Variants in NXPE4 observed in about 807,000 individuals in gnomAD.
NXPE4 encodes the protein NXPE family member 4.
A neutral mutation model predicts 33.3 loss-of-function variants in NXPE4; 42 were observed. The observed-to-expected ratio is 1.26, with a 90% confidence interval of 0.98 to 1.63. The LOEUF (loss-of-function observed/expected upper bound fraction) is 1.63. NXPE4 is among the 40% of genes most tolerant of loss of function. NXPE4 has a pLI of 0.00. For missense variants in NXPE4, 709 were observed against 647.6 expected (o/e 1.09, Z -1.03); for synonymous variants, 253 against 234.9 (o/e 1.08, Z -0.71).
chr11:114,675,022 C>T, the NXPE4 span, among the ~76,000 whole-genome samples: 1 of 150,684 alleles, frequency 6.6e-6, no homozygotes, highest in African/African-American at 2.5e-5. Flanking sequence ...ACATGTAATC[C>T]ATCATATTAA....
In NXPE4 at chr11:114,570,839, C is replaced by T; in HGVS notation, c.*99G>A. 1.3e-6 allele frequency: 1 copy of T among 756,546 alleles called. No homozygotes were observed. The highest frequency in any genetic ancestry group is 2.1e-6 in the Non-Finnish European group (1 of 471,322). 46.9% of individuals were successfully genotyped at this position (756,546 alleles called of 1,614,324 possible). ...CCATAATGTAGATTCTCTGCTCTTG[C>T]TAGTTGGGAATTCAGAGCCAAACAC... On this transcript the variant is annotated 3_prime_UTR_variant, in exon 6 of 6. Transcript: ENST00000375478.
At chr11:114,598,278 G>A (rs1421339095), upstream of NXPE4, among the ~76,000 whole-genome samples, 1 of 152,146 alleles carries the variant, frequency 6.6e-6, no homozygotes, top group East Asian at 1.9e-4. Context: ...GGGCAGCTCT[G>A]CCCCTGTGGC....
the NXPE4 span, among the ~76,000 whole-genome samples, chr11:114,652,873 G>C: frequency 6.6e-6 from 1 of 152,190 alleles, no homozygotes; most frequent in Non-Finnish European, 1.5e-5. Context: ...GGTACTGCAA[G>C]CCCAGTGGTG....
chr11:114,600,342 C>A (rs1054989336), upstream of NXPE4, among the ~76,000 whole-genome samples: 2 of 152,038 alleles, frequency 1.3e-5, no homozygotes, highest in Non-Finnish European at 2.9e-5. Flanking sequence ...TAAAAGTCTT[C>A]TCAAATTGAA....
the NXPE4 span, among the ~76,000 whole-genome samples, chr11:114,633,950 T>G: frequency 6.6e-6 from 1 of 152,056 alleles, no homozygotes; most frequent in East Asian, 1.9e-4. Flanking sequence ...TATAGCAGCA[T>G]GATTTATAGC....
the NXPE4 span, among the ~76,000 whole-genome samples, chr11:114,605,335 A>G: frequency 6.6e-6 from 1 of 151,232 alleles, no homozygotes; most frequent in African/African-American, 2.4e-5. Context: ...GATAATAAGT[A>G]TTGCCTCGTG....
chr11:114,627,535 G>T, the NXPE4 span, among the ~76,000 whole-genome samples: 22 of 150,748 alleles, frequency 1.5e-4, no homozygotes, highest in African/African-American at 5.1e-4. Context: ...AACATGGAAA[G>T]GAACAACCGG....
chr11:114,618,625 A>C, the NXPE4 span, among the ~76,000 whole-genome samples: 1 of 149,214 alleles, frequency 6.7e-6, no homozygotes, highest in Non-Finnish European at 1.5e-5. Context: ...TTGCCTTGTG[A>C]GTAACCACTG....
chr11:114,651,915 T>C, the NXPE4 span, among the ~76,000 whole-genome samples: 1 of 152,002 alleles, frequency 6.6e-6, no homozygotes, highest in African/African-American at 2.4e-5. Flanking sequence ...ACAGAAACCA[T>C]AAACAAAACA....
chr11:114,583,631 C>T, intron 2 of NXPE4: 1 of 591,414 alleles, frequency 1.7e-6, no homozygotes, highest in South Asian at 1.4e-5. Flanking sequence ...ACTTAATGAG[C>T]AGCAGATGGA....
the NXPE4 span, among the ~76,000 whole-genome samples, chr11:114,642,923 C>T: frequency 9.2e-5 from 14 of 152,198 alleles, no homozygotes; most frequent in South Asian, 8.3e-4. Context: ...TCTCCAGCAT[C>T]GGATGTTTCC....
At chr11:114,602,471 A>T in the NXPE4 span, among the ~76,000 whole-genome samples, 1 of 135,946 alleles carries the variant, frequency 7.4e-6, no homozygotes, top group African/African-American at 2.6e-5. Flanking sequence ...TATATAAATT[A>T]TAGATTATAT....
chr11:114,641,241 A>G, the NXPE4 span, among the ~76,000 whole-genome samples: 1 of 152,022 alleles, frequency 6.6e-6, no homozygotes, highest in Admixed American at 6.6e-5. Context: ...GTTTAAAAAT[A>G]TGGAGGAAAG....
chr11:114,623,169 GATA>G, the NXPE4 span, among the ~76,000 whole-genome samples: 2 of 152,036 alleles, frequency 1.3e-5, no homozygotes, highest in East Asian at 1.9e-4. Context: ...TTAACCGGTG[GATA>G]ATAATTATTG....
the NXPE4 span, among the ~76,000 whole-genome samples, chr11:114,611,014 C>T: frequency 4.0e-5 from 6 of 151,646 alleles, no homozygotes; most frequent in East Asian, 1.9e-4. Context: ...AATGTTGCCT[C>T]GTGGGTCACA....
chr11:114,662,975 G>A, the NXPE4 span, among the ~76,000 whole-genome samples: 2 of 152,150 alleles, frequency 1.3e-5, no homozygotes, highest in South Asian at 4.1e-4. Flanking sequence ...CCACAATGGA[G>A]GAGAGCAACA....
Position 114,582,818 on chromosome 11 carries a change from G to T in NXPE4, c.300C>A (p.Ser100Arg). The change falls in exon 3 of 6, where the codon AGC (serine) becomes AGA (arginine). Residue 100 changes from serine to arginine, a missense_variant. By Grantham distance (110) the Ser-to-Arg change is moderately radical (BLOSUM62 -1). Transcript: ENST00000375478. ...HVNTTTSATH[S>R]TATILNPRDT... The stretch of plus-strand genomic sequence containing the variant: ...CTCGAGGGTTGAGGATGGTGGCTGT[G>T]CTATGTGTGGCGCTGGTGGTGGTGT... 6.2e-7 allele frequency: 1 copy of T among 1,614,160 alleles called. No individual in the cohort carries two copies. The highest frequency in any genetic ancestry group is 1.3e-5 in the African/African-American group (1 of 75,062).
the NXPE4 span, among the ~76,000 whole-genome samples, chr11:114,669,226 C>A: frequency 6.6e-6 from 1 of 152,064 alleles, no homozygotes; most frequent in African/African-American, 2.4e-5. Flanking sequence ...GAAATTATCC[C>A]AAGGGCATAC....
chr11:114,620,725 T>A, the NXPE4 span, among the ~76,000 whole-genome samples: 2 of 151,996 alleles, frequency 1.3e-5, no homozygotes, highest in South Asian at 2.1e-4. Flanking sequence ...GCCTCTTGGG[T>A]AACCACAGTT....
Sources: allele counts gnomAD v4.1 joint callset (sites outside exome capture counted in the v4.1 genomes callset), GRCh38; gene constraint gnomAD v4.1.1; transcripts MANE v1.5; gene names NCBI Gene and HGNC (gene_info 2026-07-23, HGNC 2026-07-21).